The following LDHA variants were observed in gnomAD, a reference collection of about 807,000 sequenced individuals.
LDHA encodes the protein lactate dehydrogenase A.
Under a neutral mutation model 36.3 loss-of-function variants are expected in LDHA, and 10 were observed. The observed-to-expected ratio is 0.28, with a 90% CI of 0.17 to 0.47. The LOEUF is 0.47. Ranked by LOEUF, LDHA falls within the 20% of genes least tolerant of loss-of-function variation. LDHA has a pLI of 0.99. For synonymous variants in LDHA, 110 were observed against 136.7 expected, an observed-to-expected ratio of 0.80 and a Z score of 1.36; for missense variants, 267 against 405.8, an observed-to-expected ratio of 0.66 and a Z score of 2.94.
In LDHA at chr11:18,405,592, C is replaced by T. The variant is rs201140577; in HGVS notation, c.834+20C>T. On this transcript the variant is annotated intron_variant, in intron 7 of 7. Transcript: ENST00000422447. ...ATTAAGGTAGGTCTATGTAGTGATA[C>T]GCTGCATTTGAATGCTTTTTGCTGG... The T allele has an allele frequency of 1.7e-5, 27 of 1,612,410 alleles. No homozygotes were observed. The highest frequency in any genetic ancestry group is 8.0e-5 in the African/African-American group (6 of 74,850).
intron 4 of LDHA, among the ~76,000 whole-genome samples, chr11:18,401,476 T>TC (rs1249556123): frequency 1.2e-5 from 1 of 84,452 alleles, no homozygotes; most frequent in Non-Finnish European, 2.3e-5. Flanking sequence ...TATTTTTCTT[T>TC]TTTTTTTTTT....
Position 18,396,813 on chromosome 11 carries a change from C to T in LDHA, c.-24-6C>T. ...GTAGTGACACTAAATGTTTTTCCTC[C>T]TATAGATTCCTTTTGGTTCCAAGTC... On this transcript the variant is annotated splice_polypyrimidine_tract_variant and splice_region_variant and intron_variant, in intron 1 of 7. Coordinates refer to ENST00000422447, the MANE Select transcript of LDHA (RefSeq NM_005566.4). The T allele has an allele frequency of 6.3e-7, 1 of 1,596,772 alleles. No homozygotes were observed.
In LDHA at chr11:18,396,675, A is replaced by G. The variant is rs1590211454; in HGVS notation, c.-24-144A>G. On this transcript the variant is annotated intron_variant, in intron 1 of 7. Coordinates refer to ENST00000422447, the MANE Select transcript of LDHA (RefSeq NM_005566.4). ...TTTCAACTCTCTTTTGGCAACCATTAGGTTTTTTCCCCTCCCTTTTTAGTC... is the reference window on the plus strand; with the variant it reads ...TTTCAACTCTCTTTTGGCAACCATTGGGTTTTTTCCCCTCCCTTTTTAGTC... The G allele has an allele frequency of 2.2e-6, 3 of 1,374,216 alleles. No homozygotes were observed. The East Asian group carries it at 7.5e-5, about 34-fold the overall frequency. 85.1% of individuals were successfully genotyped at this position (1,374,216 alleles called of 1,614,324 possible).
At position 18,407,296 on chromosome 11, in the gene LDHA, A is replaced by G. The variant is rs200383424; in HGVS notation, c.*15A>G. 2.7e-5 allele frequency: 44 copies of G among 1,612,730 alleles called. No individual in the cohort carries two copies. The African/African-American group carries it at 3.7e-4, about 14-fold the overall frequency. On this transcript the variant is annotated 3_prime_UTR_variant, in exon 8 of 8. Transcript: ENST00000422447. Reference sequence around the variant, plus strand: ...TGCAATTTTAAAGTCTTCTGATGTCATATCATTTCACTGTCTAGGCTACAA... The same window carrying G: ...TGCAATTTTAAAGTCTTCTGATGTCGTATCATTTCACTGTCTAGGCTACAA...
chr11:18,397,605 A>T (rs1866346236), intron 2 of LDHA, among the ~76,000 whole-genome samples: 1 of 152,072 alleles, frequency 6.6e-6, no homozygotes, highest in Non-Finnish European at 1.5e-5. Context: ...AGGTCAGGAG[A>T]TGGAGACCAT....
chr11:18,405,648 TAATAC>T (rs1198476846), intron 7 of LDHA, 76 bp downstream of exon 7: 9 of 1,475,946 alleles, frequency 6.1e-6, no homozygotes, highest in Non-Finnish European at 8.5e-6. Flanking sequence ...TGAGAAAGAT[TAATAC>T]AAGTCTTCCA....
At chr11:18,396,396 G>A in intron 1 of LDHA, 1 of 406,890 alleles carries the variant, frequency 2.5e-6, no homozygotes, top group Non-Finnish European at 4.3e-6. Context: ...CTGTGCCTTG[G>A]GCTTGAGCTT....
Position 18,407,592 on chromosome 11 carries a change from C to T in LDHA, c.*311C>T, listed in dbSNP as rs200079157. The T allele has an allele frequency of 5.2e-5, 35 of 671,672 alleles. No homozygotes were observed. Among genetic ancestry groups the T allele is most frequent in the Non-Finnish European group, 7.3e-5 (27 of 368,028 alleles). 41.6% of individuals were successfully genotyped at this position (671,672 alleles called of 1,614,324 possible). On this transcript the variant is annotated 3_prime_UTR_variant, in exon 8 of 8. Coordinates refer to ENST00000422447, the MANE Select transcript of LDHA (RefSeq NM_005566.4). The stretch of plus-strand genomic sequence containing the variant: ...CCCCTTGAGCCAGGTGGATGTTTAC[C>T]GTGTGTTATATAACTTCCTGGCTCC...
chr11:18,407,018 A>ATT, intron 7 of LDHA, 99 bp from the exon 8 acceptor site: 3 of 991,844 alleles, frequency 3.0e-6, no homozygotes, highest in Non-Finnish European at 4.4e-6. Flanking sequence ...AAAAAAATTA[A>ATT]AAAAAAAAAG....
At chr11:18,398,610 T>C (rs1271102097) in intron 2 of LDHA, 1 of 72,972 alleles carries the variant, frequency 1.4e-5, no homozygotes, top group East Asian at 3.4e-4. Flanking sequence ...GGTCTTTTTT[T>C]TTTTTTTTTT....
intron 3 of LDHA, chr11:18,400,457 ACACACACACACACACACACACACACG>A (rs1464398766): frequency 4.0e-5 from 1 of 24,838 alleles, no homozygotes; most frequent in Non-Finnish European, 1.3e-4. Context: ...ACACACACAC[ACACACACACACACACACACACACACG>A]AAATTGCCTG....
chr11:18,403,457 G>C (rs960875790), intron 5 of LDHA, among the ~76,000 whole-genome samples: 2 of 152,106 alleles, frequency 1.3e-5, no homozygotes, highest in African/African-American at 4.8e-5. Context: ...ATATACATGG[G>C]TTAAACATTT....
intron 6 of LDHA, among the ~76,000 whole-genome samples, chr11:18,404,698 C>T (rs1446608910): frequency 2.6e-5 from 4 of 151,244 alleles, no homozygotes; most frequent in Admixed American, 2.0e-4. Flanking sequence ...GTCCCAGCTA[C>T]TCGGGAGGCT....
chr11:18,406,067 G>A (rs1291359158), intron 7 of LDHA, among the ~76,000 whole-genome samples: 3 of 152,174 alleles, frequency 2.0e-5, no homozygotes, highest in Non-Finnish European at 4.4e-5. Flanking sequence ...CCAGGTTTAA[G>A]CGATTCTTCT....
chr11:18,397,129 T>G, intron 2 of LDHA, 161 bp downstream of exon 2: 1 of 654,602 alleles, frequency 1.5e-6, no homozygotes, highest in Non-Finnish European at 2.7e-6. Flanking sequence ...AATATGATAA[T>G]ACACCAAAAG....
intron 4 of LDHA, among the ~76,000 whole-genome samples, chr11:18,402,314 T>A (rs1004637007): frequency 1.3e-5 from 2 of 152,090 alleles, no homozygotes; most frequent in Non-Finnish European, 2.9e-5. Context: ...CTATACTTTT[T>A]TTTTGAGAGC....
chr11:18,403,959 CT>C lies in LDHA; in HGVS notation c.710+150del, dbSNP rs1866585338. The C allele has an allele frequency of 4.6e-6, 3 of 658,522 alleles. No homozygotes were observed. The East Asian group carries it at 8.8e-5, about 19-fold the overall frequency. The allele number at this position is 658,522 out of a possible 1,614,324, so 40.8% of individuals were successfully genotyped here. On this transcript the variant is annotated intron_variant, in intron 6 of 7. Coordinates refer to ENST00000422447, the MANE Select transcript of LDHA (RefSeq NM_005566.4). ...TGTTTTGTTTTGTTTGAGACAGAAT[CT>C]TGCCCTTTCGCACAGGCTGCAGTGC...
In LDHA at chr11:18,405,505, T is replaced by C; in HGVS notation, c.767T>C (p.Val256Ala). Residue 256 changes from valine (V) to alanine (A), a missense_variant, in exon 7 of 8, where the codon GTA becomes GCA. Physicochemically the swap from Val to Ala is moderately conservative, Grantham distance 64. Coordinates refer to ENST00000422447, the MANE Select transcript of LDHA (RefSeq NM_005566.4). ...ACATCCTGGGCTATTGGACTCTCTG[T>C]AGCAGATTTGGCAGAGAGTATAATG... ...GYTSWAIGLS[V>A]ADLAESIMKN... 1 of 1,613,512 alleles carries C rather than the reference T, an allele frequency of 6.2e-7. No homozygotes were observed. The highest frequency in any genetic ancestry group is 8.5e-7 in the Non-Finnish European group (1 of 1,179,470).
intron 1 of LDHA, 142 bp from the exon 2 acceptor site, chr11:18,396,677 G>C: frequency 7.3e-7 from 1 of 1,371,714 alleles, no homozygotes; most frequent in Non-Finnish European, 9.7e-7. Context: ...CAACCATTAG[G>C]TTTTTTCCCC....
Sources: allele counts gnomAD v4.1 joint callset (sites outside exome capture counted in the v4.1 genomes callset), GRCh38; gene constraint gnomAD v4.1.1; transcripts MANE v1.5; gene names NCBI Gene and HGNC (gene_info 2026-07-23, HGNC 2026-07-21).